The following SUGCT variants were observed in gnomAD, a reference collection of about 807,000 sequenced individuals.
SUGCT encodes the protein succinyl-CoA:glutarate CoA-transferase.
SUGCT carries 41 observed loss-of-function variants against 55.0 expected under a neutral mutation model. The ratio of observed to expected loss-of-function variants is 0.74; its 90% CI spans 0.58 to 0.97. The LOEUF (loss-of-function observed/expected upper bound fraction) is 0.97. Among genes scored for constraint, SUGCT ranks in the 50% least tolerant of loss-of-function variants. SUGCT has a pLI of 0.00. For missense variants in SUGCT, 568 were observed against 547.8 expected (o/e 1.04, Z -0.37); for synonymous variants, 187 against 200.4 (o/e 0.93, Z 0.56).
At chr7:40,951,083 T>C in the SUGCT span, among the ~76,000 whole-genome samples, 1 of 152,208 alleles carries the variant, frequency 6.6e-6, no homozygotes, top group Admixed American at 6.5e-5. Context: ...TGAATCCATC[T>C]GGTCCTGGAC....
intron 9 of SUGCT, among the ~76,000 whole-genome samples, chr7:40,387,193 A>G (rs1488435407): frequency 2.6e-5 from 4 of 152,208 alleles, no homozygotes; most frequent in Non-Finnish European, 5.9e-5. Flanking sequence ...TTCGATAGCA[A>G]TAAAACTATG....
the SUGCT span, among the ~76,000 whole-genome samples, chr7:40,897,512 G>C: frequency 6.6e-6 from 1 of 151,772 alleles, no homozygotes; most frequent in Admixed American, 6.6e-5. Flanking sequence ...AGCCACAGAA[G>C]GGCTTTAACC....
chr7:40,501,503 A>G (rs1353274922), intron 12 of SUGCT, among the ~76,000 whole-genome samples: 1 of 152,110 alleles, frequency 6.6e-6, no homozygotes, highest in East Asian at 1.9e-4. Flanking sequence ...TGGGCATTTT[A>G]TGTTCTTTTT....
At chr7:40,884,303 C>T in the SUGCT span, among the ~76,000 whole-genome samples, 1 of 152,212 alleles carries the variant, frequency 6.6e-6, no homozygotes, top group East Asian at 1.9e-4. Flanking sequence ...TTTGTATCAA[C>T]ATTAATGCTT....
chr7:40,242,274 A>G (rs1789457980), intron 7 of SUGCT, among the ~76,000 whole-genome samples: 1 of 151,742 alleles, frequency 6.6e-6, no homozygotes. Context: ...CCTGGGTTCA[A>G]GTGATTCTCC....
chr7:40,689,010 G>C lies in SUGCT; in HGVS notation c.1090-60424G>C, dbSNP rs547056347. On this transcript the variant is annotated intron_variant, in intron 12 of 13. Coordinates refer to ENST00000335693, the MANE Select transcript of SUGCT (RefSeq NM_001193313.2). ...ACTGTGGAGTGGAGCAAATATGGTA[G>C]GTTTTACATTGACTATTGCTGGTTC... Among the ~76,000 whole-genome samples the C allele has an allele frequency of 6.6e-5, 10 of 152,208 alleles. No individual in the cohort carries two copies. In the East Asian group the frequency reaches 1.9e-3, roughly 29 times the overall value.
intron 12 of SUGCT, among the ~76,000 whole-genome samples, chr7:40,624,075 A>G (rs1799402535): frequency 6.6e-6 from 1 of 152,282 alleles, no homozygotes; most frequent in East Asian, 1.9e-4. Flanking sequence ...GTTGTGTGTC[A>G]TATGTCAGAC....
intron 1 of SUGCT, chr7:40,141,747 A>G: frequency 7.7e-6 from 2 of 259,986 alleles, no homozygotes; most frequent in Non-Finnish European, 8.0e-6. Flanking sequence ...TGACTCCAGT[A>G]GCCCATGTTA....
intron 12 of SUGCT, among the ~76,000 whole-genome samples, chr7:40,562,596 G>A (rs1795901670): frequency 6.6e-6 from 1 of 152,188 alleles, no homozygotes; most frequent in Non-Finnish European, 1.5e-5. Flanking sequence ...TGTGGGAAAG[G>A]TGGAGAGACT....
the SUGCT span, among the ~76,000 whole-genome samples, chr7:40,985,504 T>C: frequency 6.6e-6 from 1 of 152,104 alleles, no homozygotes; most frequent in African/African-American, 2.4e-5. Context: ...GAAAAAAATC[T>C]CAGAAGAAGT....
the SUGCT span, among the ~76,000 whole-genome samples, chr7:40,943,639 A>G: frequency 6.7e-6 from 1 of 150,268 alleles, no homozygotes; most frequent in East Asian, 2.0e-4. Flanking sequence ...CATAGTATTC[A>G]TGGTGTATAT....
intron 12 of SUGCT, among the ~76,000 whole-genome samples, chr7:40,747,115 A>G (rs953114302): frequency 2.6e-5 from 4 of 152,192 alleles, no homozygotes; most frequent in African/African-American, 9.7e-5. Context: ...CACAATTCTA[A>G]CACTGGCGAG....
intron 3 of SUGCT, among the ~76,000 whole-genome samples, chr7:40,185,650 G>A (rs911524756): frequency 1.3e-5 from 2 of 152,120 alleles, no homozygotes; most frequent in African/African-American, 4.8e-5. Flanking sequence ...AGCTTCCTGA[G>A]TAGTTGGGAT....
intron 9 of SUGCT, among the ~76,000 whole-genome samples, chr7:40,425,994 T>C (rs1311980949): frequency 6.6e-6 from 1 of 152,158 alleles, no homozygotes; most frequent in African/African-American, 2.4e-5. Context: ...TGCAAAGTAA[T>C]TGATAAAATG....
At chr7:40,429,082 G>T (rs1446832553) in intron 9 of SUGCT, among the ~76,000 whole-genome samples, 2 of 151,536 alleles carry the variant, frequency 1.3e-5, no homozygotes, top group African/African-American at 4.9e-5. Context: ...GGTTACTATA[G>T]TGAAGCAAGT....
In SUGCT at chr7:40,641,048, A is replaced by G. The variant is rs117317120; in HGVS notation, c.1090-108386A>G. ...TTTATCCCTGTTTACAAGAAGTTCA[A>G]ATACCCTTCGTGATATCTCTCTTCC... On this transcript the variant is annotated intron_variant, in intron 12 of 13. Transcript: ENST00000335693. Among the ~76,000 whole-genome samples, 1,467 of 152,356 alleles carry G rather than the reference A, an allele frequency of 9.6e-3. 9 individuals are homozygous for G. The highest frequency in any genetic ancestry group is 0.02 in the Middle Eastern group (6 of 294).
At chr7:40,170,423 G>GA (rs1278683378) in intron 1 of SUGCT, among the ~76,000 whole-genome samples, 1 of 152,110 alleles carries the variant, frequency 6.6e-6, no homozygotes. Context: ...CTGACAGGGA[G>GA]AAAAGTACAT....
Position 40,470,948 on chromosome 7 carries a change from A to G in SUGCT, c.986+11750A>G, listed in dbSNP as rs1667400689. Among the ~76,000 whole-genome samples the G allele has an allele frequency of 2.0e-5, 3 of 152,154 alleles. No individual in the cohort carries two copies. In the South Asian group the frequency reaches 6.2e-4, roughly 32 times the overall value. On this transcript the variant is annotated intron_variant, in intron 11 of 13. Coordinates refer to ENST00000335693, the MANE Select transcript of SUGCT (RefSeq NM_001193313.2). ...GAAAGAGAAAAAATCCAGACATTGG[A>G]ATGTCTGAGTTTATTTAAGTCTCAG...
At chr7:40,725,787 A>G (rs1786583754) in intron 12 of SUGCT, among the ~76,000 whole-genome samples, 1 of 151,694 alleles carries the variant, frequency 6.6e-6, no homozygotes, top group South Asian at 2.1e-4. Context: ...AAAATCCTAG[A>G]CTCTTTTCAT....
Sources: allele counts gnomAD v4.1 joint callset (sites outside exome capture counted in the v4.1 genomes callset), GRCh38; gene constraint gnomAD v4.1.1; transcripts MANE v1.5; gene names NCBI Gene and HGNC (gene_info 2026-07-23, HGNC 2026-07-21).